The following UPP2 variants were observed in gnomAD, a reference collection of about 807,000 sequenced individuals.
The protein encoded by UPP2 is uridine phosphorylase 2.
UPP2 carries 23 observed loss-of-function variants against 26.7 expected under a neutral mutation model. The ratio of observed to expected loss-of-function variants is 0.86; its 90% CI spans 0.62 to 1.22. The LOEUF is 1.22. UPP2 is among the 50% of genes most tolerant of loss of function. UPP2 has a pLI of 0.00. For missense variants in UPP2, 387 were observed against 396.7 expected, an observed-to-expected ratio of 0.98 and a Z score of 0.21; for synonymous variants, 127 against 141.3, an observed-to-expected ratio of 0.90 and a Z score of 0.72.
chr2:158,059,278 T>C (rs1363464245), intron 3 of UPP2, among the ~76,000 whole-genome samples: 2 of 152,344 alleles, frequency 1.3e-5, no homozygotes, highest in African/African-American at 2.4e-5. Context: ...GCTCTAGCCA[T>C]ATAATGAACT....
At chr2:158,120,040 T>TA (rs1298026104) in intron 4 of UPP2, among the ~76,000 whole-genome samples, 1 of 150,252 alleles carries the variant, frequency 6.7e-6, no homozygotes. Context: ...AAAAATAAAT[T>TA]AAAAAAAAAT....
intron 3 of UPP2, among the ~76,000 whole-genome samples, chr2:158,085,011 T>G (rs1443068507): frequency 6.6e-6 from 1 of 152,190 alleles, no homozygotes; most frequent in South Asian, 2.1e-4. Flanking sequence ...TTTAGAATTT[T>G]TTTCTAGTTC....
At chr2:158,019,804 T>A (rs374222435) in intron 3 of UPP2, among the ~76,000 whole-genome samples, 1 of 152,128 alleles carries the variant, frequency 6.6e-6, no homozygotes, top group Non-Finnish European at 1.5e-5. Context: ...GTATATATAT[T>A]TTTTAAGACA....
chr2:158,132,219 G>A (rs1280543347), intron 6 of UPP2, among the ~76,000 whole-genome samples: 2 of 152,198 alleles, frequency 1.3e-5, no homozygotes, highest in Non-Finnish European at 2.9e-5. Flanking sequence ...AATATTTGCC[G>A]CAGCTCAAGT....
intron 3 of UPP2, among the ~76,000 whole-genome samples, chr2:158,037,251 T>C (rs1228729039): frequency 6.6e-6 from 1 of 152,050 alleles, no homozygotes; most frequent in Admixed American, 6.5e-5. Context: ...GGCGGGCATC[T>C]GTAATCCCAG....
chr2:158,010,575 A>C (rs1683559733), intron 2 of UPP2, among the ~76,000 whole-genome samples: 1 of 152,196 alleles, frequency 6.6e-6, no homozygotes, highest in Admixed American at 6.5e-5. Context: ...GAATCAAATT[A>C]AGCAGGAAAG....
upstream of UPP2, among the ~76,000 whole-genome samples, chr2:158,099,296 T>A (rs1233403440): frequency 6.6e-6 from 1 of 152,202 alleles, no homozygotes; most frequent in Admixed American, 6.5e-5. Flanking sequence ...AGCCTCAGAA[T>A]GGATAGCTTA....
chr2:158,113,329 T>C (rs1444149803), intron 2 of UPP2, among the ~76,000 whole-genome samples: 1 of 152,196 alleles, frequency 6.6e-6, no homozygotes, highest in Non-Finnish European at 1.5e-5. Flanking sequence ...AAAATTTCCT[T>C]GGACTTAGAT....
chr2:158,106,011 TA>T, intron 1 of UPP2, 87 bp from the exon 2 acceptor site: 1 of 986,580 alleles, frequency 1.0e-6, no homozygotes, highest in Non-Finnish European at 1.5e-6. Context: ...AATTTAACCC[TA>T]AAGGAAGGTT....
rs375723991 is a variant in UPP2, at chr2:158,070,397, T to C, written c.148-31643T>C. 1.3e-3 allele frequency among the ~76,000 whole-genome samples: 204 copies of C among 152,340 alleles called. 2 individuals carry two copies. The highest frequency in any genetic ancestry group is 4.3e-3 in the African/African-American group (177 of 41,588). On this transcript the variant is annotated intron_variant, in intron 3 of 9. Coordinates refer to the UPP2 transcript ENST00000605860. ...GTGTTTCTATCTATGTACAGGTCTC[T>C]TGATTCAAGTAAAGTGTTAATTATC...
chr2:158,117,949 T>C lies in UPP2; in HGVS notation c.454+11T>C, dbSNP rs772809959. ...CATCAGGGGGAATAGGTGAGACGGA[T>C]TGATGTCTACTATTAGAACTGAGTG... On this transcript the variant is annotated intron_variant, in intron 4 of 6. Coordinates refer to ENST00000005756, the MANE Select transcript of UPP2 (RefSeq NM_173355.4). The C allele has an allele frequency of 1.9e-6, 3 of 1,586,728 alleles. No individual in the cohort carries two copies. The highest frequency in any genetic ancestry group is 1.1e-5 in the South Asian group (1 of 90,640).
chr2:158,113,332 A>G (rs1375089915), intron 2 of UPP2, among the ~76,000 whole-genome samples: 1 of 152,184 alleles, frequency 6.6e-6, no homozygotes, highest in African/African-American at 2.4e-5. Context: ...ATTTCCTTGG[A>G]CTTAGATCGT....
intron 5 of UPP2, among the ~76,000 whole-genome samples, chr2:158,122,819 G>C (rs141296291): frequency 3.3e-5 from 5 of 152,116 alleles, no homozygotes; most frequent in African/African-American, 9.7e-5. Context: ...CACTCGCATC[G>C]ACATTACCTG....
chr2:158,043,181 G>C (rs988426163), intron 3 of UPP2, among the ~76,000 whole-genome samples: 2 of 152,126 alleles, frequency 1.3e-5, no homozygotes, highest in Non-Finnish European at 2.9e-5. Flanking sequence ...AAATCACAGG[G>C]CTGGGGAGCA....
At chr2:158,026,303 G>A (rs1284274730) in intron 3 of UPP2, among the ~76,000 whole-genome samples, 1 of 152,078 alleles carries the variant, frequency 6.6e-6, no homozygotes, top group Non-Finnish European at 1.5e-5. Flanking sequence ...CTAGAAATAT[G>A]CCTTCAGCTC....
chr2:158,123,685 C>T (rs1429660349), intron 5 of UPP2, 64 bp from the exon 6 acceptor site: 1 of 1,575,292 alleles, frequency 6.3e-7, no homozygotes, highest in African/African-American at 1.4e-5. Context: ...CAGCAAGCCT[C>T]CTATGAGGCC....
intron 4 of UPP2, among the ~76,000 whole-genome samples, chr2:158,119,559 C>G (rs897604481): frequency 1.3e-5 from 2 of 152,002 alleles, no homozygotes; most frequent in Admixed American, 1.3e-4. Flanking sequence ...GTATGTTGAC[C>G]TTTGAGAAAC....
chr2:158,070,830 C>T (rs1682526839), intron 3 of UPP2, among the ~76,000 whole-genome samples: 2 of 152,186 alleles, frequency 1.3e-5, no homozygotes, highest in African/African-American at 4.8e-5. Flanking sequence ...CCCAGAGCTG[C>T]TACATGGCAT....
Position 158,115,550 on chromosome 2 carries a change from G to A in UPP2, c.339+291G>A, listed in dbSNP as rs910128059. ...GTTAACACCCCTCACCCCCGCCACG[G>A]CAATTTTCCTTCTTCTATCCCTTAC... On this transcript the variant is annotated intron_variant, in intron 3 of 6. Transcript: ENST00000005756. Among the ~76,000 whole-genome samples, 6 of 152,016 alleles carry A rather than the reference G, an allele frequency of 3.9e-5. No homozygotes were observed. The South Asian group carries it at 1.2e-3, about 32-fold the overall frequency.
Sources: gnomAD v4.1 joint callset for allele counts (sites outside exome capture counted in the v4.1 genomes callset) on GRCh38, gnomAD v4.1.1 for gene constraint, MANE v1.5 for transcripts, NCBI Gene and HGNC (gene_info 2026-07-23, HGNC 2026-07-21) for gene names.